The following OSTF1 variants were observed in gnomAD, a reference collection of about 807,000 sequenced individuals.
OSTF1 encodes the protein osteoclast-stimulating factor 1.
Under a neutral mutation model 37.2 loss-of-function variants are expected in OSTF1, and 27 were observed. The observed-to-expected ratio is 0.73, with a 90% confidence interval of 0.54 to 1.00. The LOEUF is 1.00. Ranked by LOEUF, OSTF1 falls within the 50% of genes least tolerant of loss-of-function variation. OSTF1 has a pLI of 0.00. For missense variants in OSTF1, 232 were observed against 253.8 expected (o/e 0.91, Z 0.58); for synonymous variants, 82 against 89.2 (o/e 0.92, Z 0.46).
intron 1 of OSTF1, among the ~76,000 whole-genome samples, chr9:75,104,317 A>G (rs1404032551): frequency 6.6e-6 from 1 of 152,092 alleles, no homozygotes; most frequent in Non-Finnish European, 1.5e-5. Context: ...GGACAAGGCA[A>G]GAGGATTGCT....
intron 1 of OSTF1, among the ~76,000 whole-genome samples, chr9:75,109,582 C>G (rs1355652131): frequency 6.6e-6 from 1 of 152,200 alleles, no homozygotes; most frequent in African/African-American, 2.4e-5. Context: ...TCTCAATCTA[C>G]TAATAGGTCA....
Position 75,088,691 on chromosome 9 carries a change from A to G in OSTF1, c.-2A>G, listed in dbSNP as rs1449878283. The G allele has an allele frequency of 1.9e-6, 3 of 1,608,660 alleles. No homozygotes were observed. The highest frequency in any genetic ancestry group is 2.2e-5 in the East Asian group (1 of 44,498). ...TTAGGATTTGCAGCTCCAGGAAGCG[A>G]GATGTCGAAGCCGCCACCCAAACCA... On this transcript the variant is annotated 5_prime_UTR_variant, in exon 1 of 10. Transcript: ENST00000346234.
chr9:75,101,932 TAGAG>T (rs1357362436), intron 1 of OSTF1, among the ~76,000 whole-genome samples: 1 of 152,216 alleles, frequency 6.6e-6, no homozygotes, highest in African/African-American at 2.4e-5. Context: ...TGTGTCTTCA[TAGAG>T]AGCCAAGAGT....
intron 1 of OSTF1, among the ~76,000 whole-genome samples, chr9:75,112,191 C>T (rs995133434): frequency 6.6e-6 from 1 of 151,170 alleles, no homozygotes; most frequent in Non-Finnish European, 1.5e-5. Context: ...ATTTCTTCCC[C>T]TTGATACTCT....
intron 9 of OSTF1, among the ~76,000 whole-genome samples, chr9:75,145,716 C>A (rs1221969450): frequency 2.6e-5 from 4 of 152,120 alleles, no homozygotes; most frequent in African/African-American, 9.7e-5. Flanking sequence ...CAGATGAGTT[C>A]TTTTTGGTGT....
chr9:75,119,058 G>A (rs1825537828), intron 2 of OSTF1, among the ~76,000 whole-genome samples: 1 of 152,266 alleles, frequency 6.6e-6, no homozygotes, highest in African/African-American at 2.4e-5. Context: ...AGGCAACTCA[G>A]AAGGTCACAC....
intron 8 of OSTF1, among the ~76,000 whole-genome samples, chr9:75,140,570 C>T (rs1017372207): frequency 1.3e-5 from 2 of 152,186 alleles, no homozygotes; most frequent in African/African-American, 4.8e-5. Context: ...ACCATAAACT[C>T]CTCACTGAAA....
At chr9:75,101,368 A>G (rs1023670285) in intron 1 of OSTF1, among the ~76,000 whole-genome samples, 1 of 152,186 alleles carries the variant, frequency 6.6e-6, no homozygotes, top group Non-Finnish European at 1.5e-5. Context: ...GAGAGGATGC[A>G]ATTAGGGAAA....
At position 75,138,360 on chromosome 9, in the gene OSTF1, G is replaced by T. The variant is rs992139392; in HGVS notation, c.487+744G>T. On this transcript the variant is annotated intron_variant, in intron 8 of 9. Coordinates refer to ENST00000346234, the MANE Select transcript of OSTF1 (RefSeq NM_012383.5). ...AGTATGCTGGTGATGTAAGCTGCAG[G>T]TCTAAAAGGCCAGACATTATGAGGA... is the stretch of plus-strand genomic sequence containing the variant. Among the ~76,000 whole-genome samples, 5 of 152,260 alleles carry T rather than the reference G, an allele frequency of 3.3e-5. No individual in the cohort carries two copies. In the East Asian group the frequency reaches 7.7e-4, roughly 24 times the overall value.
intron 7 of OSTF1, 80 bp from the exon 8 acceptor site, chr9:75,137,458 C>A: frequency 1.1e-6 from 1 of 917,518 alleles, no homozygotes; most frequent in Non-Finnish European, 1.8e-6. Flanking sequence ...TTAGGTTTAA[C>A]TGGGTTAAAC....
intron 2 of OSTF1, among the ~76,000 whole-genome samples, chr9:75,121,334 A>G (rs1284314049): frequency 3.3e-5 from 5 of 152,210 alleles, no homozygotes; most frequent in Non-Finnish European, 7.3e-5. Flanking sequence ...CTACTCTAAG[A>G]TGGAGTTTCT....
intron 7 of OSTF1, 150 bp downstream of exon 7, chr9:75,134,545 A>T: frequency 1.8e-6 from 1 of 547,176 alleles, no homozygotes; most frequent in Non-Finnish European, 3.3e-6. Flanking sequence ...AATTATCCAC[A>T]GCCCCAAGTG....
intron 1 of OSTF1, among the ~76,000 whole-genome samples, chr9:75,099,455 G>A (rs1825151066): frequency 6.6e-6 from 1 of 152,056 alleles, no homozygotes; most frequent in Non-Finnish European, 1.5e-5. Context: ...GTCCCACAGT[G>A]TTGCCCAGGC....
chr9:75,109,088 C>G (rs150642172), intron 1 of OSTF1, among the ~76,000 whole-genome samples: 5,612 of 150,410 alleles, frequency 0.037, 148 homozygotes, highest in African/African-American at 0.068. Context: ...TCTTGGCTCA[C>G]TGCAGCCTCC....
At chr9:75,096,682 G>T (rs1825092284) in intron 1 of OSTF1, among the ~76,000 whole-genome samples, 1 of 152,186 alleles carries the variant, frequency 6.6e-6, no homozygotes, top group South Asian at 2.1e-4. Flanking sequence ...ACTACAACCT[G>T]GAGGTTATCT....
At chr9:75,130,681 T>A in intron 4 of OSTF1, 40 bp downstream of exon 4, 1 of 1,349,360 alleles carries the variant, frequency 7.4e-7, no homozygotes, top group South Asian at 1.2e-5. Flanking sequence ...CTTCGTTCAC[T>A]TGGAATTTTT....
chr9:75,115,573 T>G (rs900750118), intron 1 of OSTF1, among the ~76,000 whole-genome samples: 2 of 152,036 alleles, frequency 1.3e-5, no homozygotes, highest in African/African-American at 2.4e-5. Flanking sequence ...AGCTATCAAA[T>G]AGATAGTCCC....
intron 9 of OSTF1, among the ~76,000 whole-genome samples, chr9:75,145,952 TG>T (rs1370648790): frequency 4.6e-5 from 7 of 152,226 alleles, no homozygotes; most frequent in African/African-American, 1.7e-4. Context: ...TTCAGAGATG[TG>T]ATACTTAGAG....
intron 4 of OSTF1, 61 bp downstream of exon 4, chr9:75,130,702 T>C (rs188682619): frequency 2.0e-6 from 2 of 996,964 alleles, no homozygotes; most frequent in Non-Finnish European, 3.2e-6. Context: ...TGGTTCTTGA[T>C]GCTTTTCTGC....
Sources: allele counts gnomAD v4.1 joint callset (sites outside exome capture counted in the v4.1 genomes callset), GRCh38; gene constraint gnomAD v4.1.1; transcripts MANE v1.5; gene names NCBI Gene and HGNC (gene_info 2026-07-23, HGNC 2026-07-21).